PCDH15: variants seen among roughly 807,000 people sequenced by gnomAD.
The protein encoded by PCDH15 is protocadherin related 15, also known as protocadherin-15.
In PCDH15, 129 loss-of-function variants were observed where a neutral mutation model predicts 178.5. The observed-to-expected ratio is 0.72, with a 90% CI of 0.63 to 0.84. The LOEUF (loss-of-function observed/expected upper bound fraction) is 0.84. Among genes scored for constraint, PCDH15 ranks in the 40% least tolerant of loss-of-function variants. The pLI is 0.00. For synonymous variants in PCDH15, 800 were observed against 732.0 expected (o/e 1.09, Z -1.50); for missense variants, 2,230 against 2,099.9 (o/e 1.06, Z -1.21).
At chr10:54,812,522 G>A (rs764231343) in intron 3 of PCDH15, among the ~76,000 whole-genome samples, 3 of 151,904 alleles carry the variant, frequency 2.0e-5, no homozygotes, top group Non-Finnish European at 2.9e-5. Flanking sequence ...GCAGTGGCGC[G>A]ATCTCAGCTC....
chr10:55,298,528 GA>G (rs1843192053), intron 1 of PCDH15, among the ~76,000 whole-genome samples: 1 of 152,094 alleles, frequency 6.6e-6, no homozygotes, highest in African/African-American at 2.4e-5. Context: ...ACAGTTAATG[GA>G]AAGAGAAACT....
At chr10:53,890,026 C>T (rs774547230) in intron 26 of PCDH15, among the ~76,000 whole-genome samples, 6 of 152,152 alleles carry the variant, frequency 3.9e-5, no homozygotes, top group Non-Finnish European at 7.3e-5. Context: ...GTTACACTAC[C>T]GTGTTCACTT....
chr10:54,249,374 T>G (rs2056279056), intron 8 of PCDH15, among the ~76,000 whole-genome samples: 2 of 152,132 alleles, frequency 1.3e-5, no homozygotes, highest in Non-Finnish European at 2.9e-5. Context: ...CAGATGCTTG[T>G]CAATAGTGAG....
At chr10:54,740,992 CATTTAAAA>C (rs1049777255) in intron 1 of PCDH15, among the ~76,000 whole-genome samples, 65 of 151,852 alleles carry the variant, frequency 4.3e-4, no homozygotes, top group African/African-American at 1.4e-3. Flanking sequence ...ACTTATTGTA[CATTTAAAA>C]ATGGCTAGAA....
At chr10:54,707,427 T>C (rs2132308583) in intron 1 of PCDH15, among the ~76,000 whole-genome samples, 1 of 152,294 alleles carries the variant, frequency 6.6e-6, no homozygotes. Flanking sequence ...GTATAGAAAC[T>C]TGAAATTTGA....
intron 3 of PCDH15, among the ~76,000 whole-genome samples, chr10:54,486,635 A>AT (rs1224719423): frequency 2.7e-5 from 4 of 147,124 alleles, no homozygotes; most frequent in African/African-American, 5.0e-5. Flanking sequence ...CTGTACACTG[A>AT]TTTTTTTTCC....
rs187381545 is a variant in PCDH15, at chr10:55,410,745, A to G, written c.-156+216880T>C. ...CTGGAGGCTGTCTGCTGAGAAAACA[A>G]CTGCTGCTCAGTAATTAACTCCTCC... On this transcript the variant is annotated intron_variant, in intron 2 of 5. Transcript: ENST00000613346. 2.0e-5 allele frequency among the ~76,000 whole-genome samples: 3 copies of G among 152,222 alleles called. No individual in the cohort carries two copies. The East Asian group carries it at 5.8e-4, about 29-fold the overall frequency.
chr10:53,810,182 T>G (rs942386277), intron 37 of PCDH15, among the ~76,000 whole-genome samples: 10 of 152,192 alleles, frequency 6.6e-5, no homozygotes, highest in Admixed American at 6.5e-4. Flanking sequence ...AGGTGGAGAC[T>G]ATATTTTTTC....
intron 2 of PCDH15, among the ~76,000 whole-genome samples, chr10:54,907,249 T>A (rs928548706): frequency 6.6e-6 from 1 of 152,092 alleles, no homozygotes; most frequent in Non-Finnish European, 1.5e-5. Context: ...CTAAATATAT[T>A]CCAGGTATGC....
intron 1 of PCDH15, among the ~76,000 whole-genome samples, chr10:55,292,036 C>T (rs1283481690): frequency 2.6e-5 from 4 of 152,090 alleles, no homozygotes; most frequent in Non-Finnish European, 4.4e-5. Context: ...AGGAACACAG[C>T]CAAACCATAT....
chr10:55,222,311 GT>G (rs1217067599), intron 1 of PCDH15, among the ~76,000 whole-genome samples: 2 of 151,932 alleles, frequency 1.3e-5, no homozygotes, highest in Admixed American at 1.3e-4. Context: ...TCTGTAACTT[GT>G]TTTGAATAGT....
At chr10:55,421,174 T>A (rs1838612009) in intron 2 of PCDH15, among the ~76,000 whole-genome samples, 1 of 151,476 alleles carries the variant, frequency 6.6e-6, no homozygotes, top group African/African-American at 2.4e-5. Context: ...TTCAGTAGGA[T>A]GTTTTAAAGG....
chr10:53,851,394 C>G (rs1346184479), intron 28 of PCDH15, among the ~76,000 whole-genome samples: 2 of 151,658 alleles, frequency 1.3e-5, no homozygotes, highest in Non-Finnish European at 2.9e-5. Context: ...CACTGATAAT[C>G]TCCAGTGCTT....
chr10:55,116,867 C>T (rs1837640122), intron 2 of PCDH15, among the ~76,000 whole-genome samples: 1 of 152,114 alleles, frequency 6.6e-6, no homozygotes, highest in Admixed American at 6.6e-5. Context: ...AAGTACTTTC[C>T]ACATAATGAG....
At chr10:55,336,891 C>T (rs1844410813) in intron 2 of PCDH15, among the ~76,000 whole-genome samples, 1 of 152,138 alleles carries the variant, frequency 6.6e-6, no homozygotes, top group East Asian at 1.9e-4. Flanking sequence ...ACGGGAGTCT[C>T]AGCCATGAAC....
intron 8 of PCDH15, among the ~76,000 whole-genome samples, chr10:54,294,753 C>T (rs1591637944): frequency 6.6e-6 from 1 of 152,270 alleles, no homozygotes; most frequent in Admixed American, 6.5e-5. Context: ...AATTATACAT[C>T]AGTGTTTCTG....
chr10:54,329,619 A>G lies in PCDH15; in HGVS notation c.682T>C (p.Tyr228His), dbSNP rs1389167013. 6.2e-7 allele frequency: 1 copy of G among 1,600,414 alleles called. No homozygotes were observed. Among genetic ancestry groups the G allele is most frequent in the East Asian group, 2.2e-5 (1 of 44,720 alleles). The change falls in exon 7 of 38, where the codon TAC becomes CAC. Residue 228 changes from tyrosine to histidine, a missense_variant. Physicochemically the swap from Tyr to His is moderately conservative, Grantham distance 83. Coordinates refer to ENST00000644397, the MANE Select transcript of PCDH15 (RefSeq NM_001384140.1). ...ACATTAGCTTGGATTATGACAAAGT[A>G]GCGAGTCTTATCTTCATAGTTGAGC... The part of the protein sequence containing the change: ...KRLNYEDKTR[Y>H]FVIIQANDRA...
chr10:53,971,853 G>A (rs992153780), intron 21 of PCDH15, among the ~76,000 whole-genome samples: 1 of 152,132 alleles, frequency 6.6e-6, no homozygotes, highest in Admixed American at 6.5e-5. Flanking sequence ...CATGAAAATG[G>A]TCATACTGCC....
chr10:55,341,155 C>A (rs576783434), intron 2 of PCDH15, among the ~76,000 whole-genome samples: 1 of 151,870 alleles, frequency 6.6e-6, no homozygotes, highest in Non-Finnish European at 1.5e-5. Context: ...GGTACAAAAT[C>A]AAGCTCTTAC....
Sources: gnomAD v4.1 joint callset for allele counts (sites outside exome capture counted in the v4.1 genomes callset) on GRCh38, gnomAD v4.1.1 for gene constraint, MANE v1.5 for transcripts, NCBI Gene and HGNC (gene_info 2026-07-23, HGNC 2026-07-21) for gene names.